The following KIAA1217 variants were observed in gnomAD, a reference collection of about 807,000 sequenced individuals.
KIAA1217 encodes sickle tail protein homolog.
Under a neutral mutation model 163.9 loss-of-function variants are expected in KIAA1217, and 88 were observed. That is an observed-to-expected ratio of 0.54 (90% CI 0.45 to 0.64). The LOEUF is 0.64. Among genes scored for constraint, KIAA1217 ranks in the 30% least tolerant of loss-of-function variants. The pLI is 0.00. For missense variants in KIAA1217, 2,372 were observed against 2,475.0 expected (o/e 0.96, Z 0.88); for synonymous variants, 903 against 923.1 (o/e 0.98, Z 0.39).
intron 5 of KIAA1217, among the ~76,000 whole-genome samples, chr10:24,451,558 G>A (rs1400804294): frequency 2.6e-5 from 4 of 152,206 alleles, no homozygotes; most frequent in Non-Finnish European, 4.4e-5. Flanking sequence ...CAGGCTTCAG[G>A]ATCAAGGCTT....
chr10:24,524,563 C>T lies in KIAA1217; in HGVS notation c.2697C>T (p.His899=), dbSNP rs1307547512. ...SSPVVIQPSQ[H]SVALLNPAQN... ...CTGTGGTCATCCAGCCCTCCCAGCACTCCGTGGCCCTGCTGAACCCTGCTC... is the reference window on the plus strand; with the variant it reads ...CTGTGGTCATCCAGCCCTCCCAGCATTCCGTGGCCCTGCTGAACCCTGCTC... Residue 899 remains histidine (H), a synonymous_variant, in exon 13 of 21, where the codon CAC becomes CAT. Transcript: ENST00000376454. 7 of 1,614,116 alleles carry T rather than the reference C, an allele frequency of 4.3e-6. No homozygotes were observed. Among genetic ancestry groups the T allele is most frequent in the Non-Finnish European group, 5.9e-6 (7 of 1,180,030 alleles).
rs1054710656 is a variant in KIAA1217, at chr10:23,933,190, C to T, written c.-320-74035C>T. ...CGCTTGCATCCCAGCTTTACGTCTT[C>T]CCTGCAAGCTGTGTAATCACATTCT... On this transcript the variant is annotated intron_variant, in intron 1 of 18. Transcript: ENST00000376462. Among the ~76,000 whole-genome samples the T allele has an allele frequency of 5.3e-5, 8 of 152,316 alleles. No individual in the cohort carries two copies. The South Asian group carries it at 1.7e-3, about 32-fold the overall frequency.
chr10:24,361,441 G>A (rs1022049033), intron 2 of KIAA1217, among the ~76,000 whole-genome samples: 1 of 152,100 alleles, frequency 6.6e-6, no homozygotes, highest in Non-Finnish European at 1.5e-5. Flanking sequence ...TCCCACCTTG[G>A]CCTCCCAAAG....
At chr10:23,787,448 T>C (rs952336766) in intron 1 of KIAA1217, among the ~76,000 whole-genome samples, 2 of 152,100 alleles carry the variant, frequency 1.3e-5, no homozygotes, top group Admixed American at 1.3e-4. Context: ...CAGATATTGG[T>C]AAACACAGGG....
At chr10:24,042,469 C>A (rs558975792) in intron 2 of KIAA1217, 1 of 152,160 alleles carries the variant, frequency 6.6e-6, no homozygotes, top group African/African-American at 2.4e-5. Flanking sequence ...GCAACTCCTG[C>A]ACAGCGGAAA....
At chr10:23,810,573 CTATATATAA>C (rs1564441241) in intron 1 of KIAA1217, among the ~76,000 whole-genome samples, 3 of 125,592 alleles carry the variant, frequency 2.4e-5, no homozygotes, top group African/African-American at 9.1e-5. Context: ...ATAGTATAAT[CTATATATAA>C]TATATATAGT....
chr10:23,980,742 C>T (rs2131411932), intron 1 of KIAA1217, among the ~76,000 whole-genome samples: 1 of 152,296 alleles, frequency 6.6e-6, no homozygotes, highest in South Asian at 2.1e-4. Flanking sequence ...CGAATCAGCT[C>T]ATCCTTGATG....
At chr10:23,730,222 C>T (rs991766576) in intron 1 of KIAA1217, among the ~76,000 whole-genome samples, 2 of 152,116 alleles carry the variant, frequency 1.3e-5, no homozygotes, top group African/African-American at 2.4e-5. Context: ...TAAAGTTCTG[C>T]TTTTTACATC....
At chr10:23,990,079 C>G (rs980083035) in intron 1 of KIAA1217, among the ~76,000 whole-genome samples, 5 of 152,156 alleles carry the variant, frequency 3.3e-5, no homozygotes, top group Admixed American at 2.6e-4. Context: ...GATCCTGTGT[C>G]CCCTTTTTTA....
At chr10:24,097,416 G>A (rs1274440262) in intron 2 of KIAA1217, among the ~76,000 whole-genome samples, 1 of 152,032 alleles carries the variant, frequency 6.6e-6, no homozygotes, top group Non-Finnish European at 1.5e-5. Context: ...AGCCAAGTGT[G>A]GTGGCTTATG....
intron 1 of KIAA1217, among the ~76,000 whole-genome samples, chr10:23,742,820 A>T (rs770488113): frequency 3.3e-5 from 5 of 152,212 alleles, no homozygotes; most frequent in Non-Finnish European, 7.3e-5. Flanking sequence ...TGAACAGCCA[A>T]GGTACAATGA....
At chr10:24,035,583 A>T (rs1480697710) in intron 2 of KIAA1217, among the ~76,000 whole-genome samples, 2 of 152,210 alleles carry the variant, frequency 1.3e-5, no homozygotes, top group African/African-American at 4.8e-5. Context: ...GCCGATTAGT[A>T]TCACCAGCTC....
At chr10:24,074,321 C>T (rs2061292972) in intron 2 of KIAA1217, among the ~76,000 whole-genome samples, 1 of 152,068 alleles carries the variant, frequency 6.6e-6, no homozygotes, top group South Asian at 2.1e-4. Context: ...TGCACTCCAG[C>T]CTGGGAAACA....
intron 1 of KIAA1217, among the ~76,000 whole-genome samples, chr10:23,945,283 C>T (rs1320824313): frequency 6.6e-6 from 1 of 152,080 alleles, no homozygotes; most frequent in African/African-American, 2.4e-5. Flanking sequence ...TAAAATGGAA[C>T]ACAACACAGC....
chr10:24,445,231 C>T (rs973980591), intron 5 of KIAA1217, among the ~76,000 whole-genome samples: 1 of 152,098 alleles, frequency 6.6e-6, no homozygotes, highest in African/African-American at 2.4e-5. Flanking sequence ...ATGTTGGACA[C>T]TGGATTTGAA....
At chr10:24,099,786 G>T (rs2062333744) in intron 2 of KIAA1217, among the ~76,000 whole-genome samples, 1 of 126,520 alleles carries the variant, frequency 7.9e-6, no homozygotes, top group African/African-American at 3.1e-5. Context: ...TCCCCTTCCT[G>T]TGTCCAAGTG....
chr10:24,359,178 C>A (rs1040854106), intron 2 of KIAA1217, among the ~76,000 whole-genome samples: 68 of 151,146 alleles, frequency 4.5e-4, no homozygotes, highest in African/African-American at 1.6e-3. Flanking sequence ...CAACCTCCAC[C>A]TCCTAAGCTC....
intron 3 of KIAA1217, among the ~76,000 whole-genome samples, chr10:24,421,836 T>A (rs1207250977): frequency 6.6e-6 from 1 of 152,182 alleles, no homozygotes; most frequent in Non-Finnish European, 1.5e-5. Context: ...GATCATGATG[T>A]GTTTGTTCAT....
chr10:23,813,480 T>C (rs1302992107), intron 1 of KIAA1217, among the ~76,000 whole-genome samples: 1 of 152,116 alleles, frequency 6.6e-6, no homozygotes, highest in Non-Finnish European at 1.5e-5. Flanking sequence ...TCTTTATGTA[T>C]GTAATGGTTT....
Sources: allele counts gnomAD v4.1 joint callset (sites outside exome capture counted in the v4.1 genomes callset), GRCh38; gene constraint gnomAD v4.1.1; transcripts MANE v1.5; gene names NCBI Gene and HGNC (gene_info 2026-07-23, HGNC 2026-07-21).